Variants in DYNC2H1 observed in about 807,000 individuals in gnomAD.
DYNC2H1 encodes dynein cytoplasmic 2 heavy chain 1, also known as cytoplasmic dynein 2 heavy chain 1.
DYNC2H1 carries 410 observed loss-of-function variants against 570.0 expected under a neutral mutation model. That is an observed-to-expected ratio of 0.72 (90% CI 0.66 to 0.78). The LOEUF is 0.78. DYNC2H1 is among the 30% of genes least tolerant of loss of function. The probability of loss-of-function intolerance (pLI) is 0.00; values close to 1 mark genes in which losing one functional copy is unlikely to be tolerated. For missense variants in DYNC2H1, 4,865 were observed against 5,046.4 expected (o/e 0.96, Z 1.09); for synonymous variants, 1,688 against 1,677.6 (o/e 1.01, Z -0.15).
chr11:103,389,059 A>C (rs538568036), intron 83 of DYNC2H1, among the ~76,000 whole-genome samples: 1 of 152,298 alleles, frequency 6.6e-6, no homozygotes, highest in African/African-American at 2.4e-5. Context: ...ATTGATTGGA[A>C]TAGTTTCAGA....
At chr11:103,213,752 C>T (rs1032788121) in intron 54 of DYNC2H1, among the ~76,000 whole-genome samples, 1 of 152,088 alleles carries the variant, frequency 6.6e-6, no homozygotes, top group Non-Finnish European at 1.5e-5. Context: ...GAACAGTTTG[C>T]AAATATTTTC....
chr11:103,257,308 T>C (rs1262151980), intron 68 of DYNC2H1, among the ~76,000 whole-genome samples: 2 of 152,158 alleles, frequency 1.3e-5, no homozygotes, highest in African/African-American at 4.8e-5. Flanking sequence ...CAGAACTGGG[T>C]GAAATAAATT....
Position 103,334,016 on chromosome 11 carries a change from C to T in DYNC2H1, c.12039+10026C>T, listed in dbSNP as rs1938978684. ...TTTGTTAATAACGATTCAGTGATGGCACATTCTCTAGGCTAAGAACACTTG... is the reference window on the plus strand; with the variant it reads ...TTTGTTAATAACGATTCAGTGATGGTACATTCTCTAGGCTAAGAACACTTG... On this transcript the variant is annotated intron_variant, in intron 82 of 88. Coordinates refer to ENST00000375735, the MANE Select transcript of DYNC2H1 (RefSeq NM_001377.3). This position sits in a 1 kb window ranked among gnomAD's most constrained non-coding sequence, Gnocchi z 4.3. 6.6e-6 allele frequency among the ~76,000 whole-genome samples: 1 copy of T among 152,084 alleles called. No homozygotes were observed. Among genetic ancestry groups the T allele is most frequent in the African/African-American group, 2.4e-5 (1 of 41,406 alleles).
chr11:103,420,675 GCTGAGGGAATTGGTCATCA>G (rs1393757469), intron 84 of DYNC2H1, among the ~76,000 whole-genome samples: 2 of 152,160 alleles, frequency 1.3e-5, no homozygotes, highest in African/African-American at 4.8e-5. Context: ...ACAAGTAAAT[GCTGAGGGAATTGGTCATCA>G]CCAGGCCTGC....
intron 84 of DYNC2H1, chr11:103,408,128 G>A (rs1170325649): frequency 6.6e-6 from 1 of 151,954 alleles, no homozygotes; most frequent in Non-Finnish European, 1.5e-5. Context: ...TTCACAAGAG[G>A]AGAGCGATAG....
intron 82 of DYNC2H1, among the ~76,000 whole-genome samples, chr11:103,348,669 A>G (rs924342068): frequency 6.6e-6 from 1 of 152,124 alleles, no homozygotes; most frequent in Non-Finnish European, 1.5e-5. Context: ...CATTTTATGA[A>G]TATACCACAA....
At chr11:103,141,592 C>T (rs1859934690) in intron 17 of DYNC2H1, among the ~76,000 whole-genome samples, 1 of 152,216 alleles carries the variant, frequency 6.6e-6, no homozygotes, top group African/African-American at 2.4e-5. Flanking sequence ...ACCCGGCCGT[C>T]TGAGGTGTCA....
At chr11:103,410,662 C>CT (rs561936338) in intron 84 of DYNC2H1, among the ~76,000 whole-genome samples, 106 of 152,192 alleles carry the variant, frequency 7.0e-4, no homozygotes, top group Admixed American at 4.8e-3. Flanking sequence ...GCTGTCGTGT[C>CT]TTCAGGATAT....
rs1333438254 is a variant in DYNC2H1 at position 103,468,588 on chromosome 11, G to C, written c.12649-1G>C. 6.2e-7 allele frequency: 1 copy of C among 1,610,308 alleles called. No homozygotes were observed. Among genetic ancestry groups the C allele is most frequent in the Non-Finnish European group, 8.5e-7 (1 of 1,177,082 alleles). On this transcript the variant is annotated splice_acceptor_variant, in intron 87 of 88. Transcript: ENST00000375735. LOFTEE classifies it high-confidence loss of function. ...TCATGACATATTTGTTTCCATGGCA[G>C]ATCAGTGGCTTGTTACTAGAAGGAT...
At chr11:103,282,862 T>C (rs891441348) in intron 72 of DYNC2H1, 146 bp from the exon 73 acceptor site, 8 of 582,128 alleles carry the variant, frequency 1.4e-5, no homozygotes, top group African/African-American at 1.2e-4. Flanking sequence ...AATTTTACCA[T>C]GGTGACTTGT....
chr11:103,314,950 CTT>C (rs1262650880), intron 79 of DYNC2H1, among the ~76,000 whole-genome samples: 3 of 151,916 alleles, frequency 2.0e-5, no homozygotes, highest in African/African-American at 4.8e-5. Context: ...TTTATTAAGA[CTT>C]TTGAATTGTT....
intron 82 of DYNC2H1, among the ~76,000 whole-genome samples, chr11:103,342,093 A>T (rs1939469211): frequency 6.6e-6 from 1 of 152,170 alleles, no homozygotes; most frequent in Admixed American, 6.5e-5. Flanking sequence ...GTGATCCGTG[A>T]TCATGCTGAG....
intron 85 of DYNC2H1, among the ~76,000 whole-genome samples, chr11:103,445,870 T>C (rs1944406955): frequency 6.6e-6 from 1 of 152,078 alleles, no homozygotes; most frequent in African/African-American, 2.4e-5. Flanking sequence ...GCCAGGATGG[T>C]CTCAATCTCC....
intron 87 of DYNC2H1, among the ~76,000 whole-genome samples, chr11:103,460,737 G>T (rs1468706499): frequency 1.3e-5 from 2 of 150,784 alleles, no homozygotes; most frequent in East Asian, 1.9e-4. Context: ...TATATATTCA[G>T]ATTACATATA....
chr11:103,360,845 G>T (rs1044162404), intron 83 of DYNC2H1, among the ~76,000 whole-genome samples: 1 of 152,114 alleles, frequency 6.6e-6, no homozygotes, highest in Non-Finnish European at 1.5e-5. Context: ...AGATGCTGTG[G>T]GTGGAAAGCA....
intron 82 of DYNC2H1, among the ~76,000 whole-genome samples, chr11:103,344,106 A>G (rs538788550): frequency 1.3e-5 from 2 of 152,304 alleles, no homozygotes; most frequent in East Asian, 1.9e-4. Context: ...ACTTTGGTGC[A>G]TCTTGTCAGT....
At chr11:103,260,142 T>C (rs563472895) in intron 70 of DYNC2H1, among the ~76,000 whole-genome samples, 165 bp downstream of exon 70, 10 of 145,818 alleles carry the variant, frequency 6.9e-5, no homozygotes, top group Admixed American at 2.7e-4. Context: ...GCATTCTTGG[T>C]TGTAGTGGGG....
At chr11:103,126,022 T>C (rs1045729133) in intron 12 of DYNC2H1, among the ~76,000 whole-genome samples, 2 of 152,240 alleles carry the variant, frequency 1.3e-5, no homozygotes, top group Admixed American at 1.3e-4. Context: ...ATCACTGTTA[T>C]AATACTGCTC....
rs1482264898 is a variant in DYNC2H1, at chr11:103,243,624, A to C, written c.9820-69A>C. ...TAGTAATTGATTTATAATTTCTAGA[A>C]AACTATTTCCATTTAAATGAAAGCT... On this transcript the variant is annotated intron_variant, in intron 63 of 88. Coordinates refer to ENST00000375735, the MANE Select transcript of DYNC2H1 (RefSeq NM_001377.3). This position sits in a 1 kb window ranked among gnomAD's most constrained non-coding sequence, Gnocchi z 4.8. 5.1e-6 allele frequency: 6 copies of C among 1,174,522 alleles called. No individual in the cohort carries two copies. The highest frequency in any genetic ancestry group is 7.2e-6 in the Non-Finnish European group (6 of 833,958). 72.8% of individuals were successfully genotyped at this position (1,174,522 alleles called of 1,614,324 possible).
Sources: gnomAD v4.1 joint callset for allele counts (sites outside exome capture counted in the v4.1 genomes callset) on GRCh38, gnomAD v4.1.1 for gene constraint, Gnocchi (gnomAD v3.1) non-coding constraint, MANE v1.5 for transcripts, NCBI Gene and HGNC (gene_info 2026-07-23, HGNC 2026-07-21) for gene names.